The following GALNT13 variants were observed in gnomAD, a reference collection of about 807,000 sequenced individuals.
GALNT13 encodes polypeptide N-acetylgalactosaminyltransferase 13.
In GALNT13, 28 loss-of-function variants were observed where a neutral mutation model predicts 64.2. The ratio of observed to expected loss-of-function variants is 0.44; its 90% CI spans 0.32 to 0.60. GALNT13 has a LOEUF of 0.60. Among genes scored for constraint, GALNT13 ranks in the 20% least tolerant of loss-of-function variants. GALNT13 has a pLI of 0.05. For synonymous variants in GALNT13, 214 were observed against 224.6 expected (o/e 0.95, Z 0.42); for missense variants, 577 against 669.8 (o/e 0.86, Z 1.53).
chr2:154,431,066 C>A (rs1700690090), intron 11 of GALNT13, among the ~76,000 whole-genome samples: 1 of 152,062 alleles, frequency 6.6e-6, no homozygotes. Flanking sequence ...TTATAGTGAT[C>A]TGAAACTGAA....
At chr2:153,821,237 T>C in the GALNT13 span, among the ~76,000 whole-genome samples, 3 of 152,110 alleles carry the variant, frequency 2.0e-5, no homozygotes, top group Non-Finnish European at 4.4e-5. Flanking sequence ...ATTTTACCAG[T>C]TGGACCTCAG....
intron 3 of GALNT13, among the ~76,000 whole-genome samples, chr2:153,980,254 C>T (rs1694371319): frequency 2.0e-5 from 3 of 152,054 alleles, no homozygotes; most frequent in Admixed American, 6.6e-5. Context: ...AGTGGAGCAC[C>T]ACTGAAGGAT....
chr2:153,639,356 A>G, the GALNT13 span, among the ~76,000 whole-genome samples: 6 of 152,142 alleles, frequency 3.9e-5, no homozygotes, highest in Non-Finnish European at 8.8e-5. Context: ...TGGAGGGAAT[A>G]CAATAATTGA....
the GALNT13 span, among the ~76,000 whole-genome samples, chr2:153,814,449 A>ATAAATAAG: frequency 6.7e-6 from 1 of 148,306 alleles, no homozygotes; most frequent in South Asian, 2.1e-4. Flanking sequence ...CAATAAATAA[A>ATAAATAAG]TAAGTAAGTA....
chr2:153,765,780 C>A, the GALNT13 span, among the ~76,000 whole-genome samples: 1 of 151,982 alleles, frequency 6.6e-6, no homozygotes, highest in Non-Finnish European at 1.5e-5. Context: ...AGGGTGGGGC[C>A]AAATAGAGAT....
chr2:153,103,451 A>AT, the GALNT13 span, among the ~76,000 whole-genome samples: 1 of 152,208 alleles, frequency 6.6e-6, no homozygotes, highest in African/African-American at 2.4e-5. Context: ...TCATTACTGT[A>AT]TGTGTGATGA....
At position 153,991,318 on chromosome 2, in the gene GALNT13, G is replaced by A. The variant is rs942633948; in HGVS notation, c.142+46679G>A. On this transcript the variant is annotated intron_variant, in intron 3 of 12. Coordinates refer to ENST00000392825, the MANE Select transcript of GALNT13 (RefSeq NM_052917.4). Reference sequence around the variant, plus strand: ...GTCAAATCGAAGGATTGAGGATTCAGGGACCTGAAGATAAGCCTGAATAGA... The same window carrying A: ...GTCAAATCGAAGGATTGAGGATTCAAGGACCTGAAGATAAGCCTGAATAGA... Among the ~76,000 whole-genome samples the A allele has an allele frequency of 1.8e-4, 27 of 152,268 alleles. 1 individual carries two copies. Among genetic ancestry groups the A allele is most frequent in the Admixed American group, 1.6e-3 (25 of 15,274 alleles).
chr2:153,285,341 T>A, the GALNT13 span, among the ~76,000 whole-genome samples: 1 of 152,146 alleles, frequency 6.6e-6, no homozygotes, highest in East Asian at 1.9e-4. Flanking sequence ...AACCATATCA[T>A]AGGTATACAT....
intron 3 of GALNT13, among the ~76,000 whole-genome samples, chr2:154,021,425 T>C (rs1697482730): frequency 6.6e-6 from 1 of 152,200 alleles, no homozygotes; most frequent in Non-Finnish European, 1.5e-5. Flanking sequence ...ACATCCCTTG[T>C]AAGTTGGATT....
chr2:154,289,375 A>T (rs1167573097), intron 8 of GALNT13, among the ~76,000 whole-genome samples: 1 of 152,234 alleles, frequency 6.6e-6, no homozygotes, highest in Non-Finnish European at 1.5e-5. Context: ...ACCCGAGACT[A>T]GGTGATTTAT....
chr2:153,172,991 G>T, the GALNT13 span, among the ~76,000 whole-genome samples: 1 of 151,850 alleles, frequency 6.6e-6, no homozygotes, highest in Non-Finnish European at 1.5e-5. Context: ...TCTCCTCCAG[G>T]GAATGAGAAT....
At chr2:153,953,331 C>A (rs558743246) in intron 3 of GALNT13, among the ~76,000 whole-genome samples, 2 of 152,012 alleles carry the variant, frequency 1.3e-5, no homozygotes, top group African/African-American at 4.8e-5. Context: ...ATAGTAATAA[C>A]ACAATAATAA....
At chr2:153,973,486 C>A (rs1417586396) in intron 3 of GALNT13, among the ~76,000 whole-genome samples, 1 of 151,972 alleles carries the variant, frequency 6.6e-6, no homozygotes, top group Non-Finnish European at 1.5e-5. Flanking sequence ...GCCAAATTTA[C>A]AGTAACCCAT....
the GALNT13 span, among the ~76,000 whole-genome samples, chr2:153,557,971 C>G: frequency 5.3e-5 from 8 of 152,258 alleles, 1 homozygote; most frequent in Middle Eastern, 6.8e-3. Context: ...GAAAGCCTTT[C>G]TTGACCCTGC....
At chr2:153,070,068 C>T in the GALNT13 span, among the ~76,000 whole-genome samples, 2 of 152,050 alleles carry the variant, frequency 1.3e-5, no homozygotes, top group Non-Finnish European at 2.9e-5. Flanking sequence ...CAATAAGTGC[C>T]GTTTAGTGAG....
the GALNT13 span, among the ~76,000 whole-genome samples, chr2:153,413,770 T>G: frequency 6.6e-6 from 1 of 152,312 alleles, no homozygotes; most frequent in South Asian, 2.1e-4. Flanking sequence ...TTCTGGGCAA[T>G]TTTATTATAT....
chr2:153,506,354 G>C, the GALNT13 span, among the ~76,000 whole-genome samples: 1 of 152,132 alleles, frequency 6.6e-6, no homozygotes, highest in Non-Finnish European at 1.5e-5. Context: ...TGTTAGTATT[G>C]AGATGTGAGG....
chr2:153,812,607 AG>A, the GALNT13 span, among the ~76,000 whole-genome samples: 4 of 152,310 alleles, frequency 2.6e-5, no homozygotes, highest in Non-Finnish European at 1.5e-5. Context: ...AACACAATAG[AG>A]GGAAGAGAAT....
At chr2:154,034,513 G>A (rs1698538596) in intron 3 of GALNT13, among the ~76,000 whole-genome samples, 1 of 151,966 alleles carries the variant, frequency 6.6e-6, no homozygotes, top group African/African-American at 2.4e-5. Context: ...TAAAGTCTGA[G>A]CTTTTAGTAT....
Sources: gnomAD v4.1 joint callset for allele counts (sites outside exome capture counted in the v4.1 genomes callset) on GRCh38, gnomAD v4.1.1 for gene constraint, MANE v1.5 for transcripts, NCBI Gene and HGNC (gene_info 2026-07-23, HGNC 2026-07-21) for gene names.